CAMK2D: variants seen among roughly 807,000 people sequenced by gnomAD.
CAMK2D encodes the protein calcium/calmodulin dependent protein kinase II delta.
Under a neutral mutation model 84.0 loss-of-function variants are expected in CAMK2D, and 37 were observed. That is an observed-to-expected ratio of 0.44 (90% CI 0.34 to 0.58). The LOEUF is 0.58. Ranked by LOEUF, CAMK2D falls within the 20% of genes least tolerant of loss-of-function variation. CAMK2D has a pLI of 0.02. For synonymous variants in CAMK2D, 202 were observed against 212.5 expected (o/e 0.95, Z 0.43); for missense variants, 448 against 652.5 (o/e 0.69, Z 3.41).
intron 4 of CAMK2D, among the ~76,000 whole-genome samples, chr4:113,552,855 G>A (rs976967198): frequency 3.9e-5 from 6 of 152,038 alleles, no homozygotes; most frequent in Non-Finnish European, 5.9e-5. Context: ...CTTCCAAAAT[G>A]GTTGCACCCT....
chr4:113,548,714 C>A (rs938950737), intron 5 of CAMK2D: 3 of 1,578,452 alleles, frequency 1.9e-6, no homozygotes, highest in Non-Finnish European at 1.7e-6. Context: ...TTTCTAGAAT[C>A]TGCTGTATAC....
chr4:113,724,119 A>C (rs904555924), intron 2 of CAMK2D, among the ~76,000 whole-genome samples: 1 of 152,106 alleles, frequency 6.6e-6, no homozygotes, highest in African/African-American at 2.4e-5. Context: ...TGAACTGTTA[A>C]TATTTTGGAA....
intron 2 of CAMK2D, chr4:113,754,815 G>T (rs555245231): frequency 1.0e-6 from 1 of 983,526 alleles, no homozygotes; most frequent in Non-Finnish European, 1.2e-6. Context: ...GTAAGTAAAG[G>T]ATACAAAATA....
intron 4 of CAMK2D, among the ~76,000 whole-genome samples, chr4:113,596,151 T>C (rs2098925212): frequency 6.6e-6 from 1 of 152,240 alleles, no homozygotes; most frequent in Admixed American, 6.5e-5. Flanking sequence ...ACCACTTTAT[T>C]TGCTCATTCA....
intron 2 of CAMK2D, among the ~76,000 whole-genome samples, chr4:113,671,735 A>G (rs969578571): frequency 6.6e-6 from 1 of 152,250 alleles, no homozygotes; most frequent in Non-Finnish European, 1.5e-5. Context: ...CCCACCTCCC[A>G]GTCTGCCATG....
intron 3 of CAMK2D, among the ~76,000 whole-genome samples, chr4:113,631,342 G>A (rs1008873667): frequency 1.3e-5 from 2 of 152,132 alleles, no homozygotes; most frequent in South Asian, 2.1e-4. Context: ...GCAAAACCTC[G>A]TCTCCATTTT....
chr4:113,493,809 T>C (rs1188782480), intron 16 of CAMK2D, among the ~76,000 whole-genome samples: 1 of 151,592 alleles, frequency 6.6e-6, no homozygotes, highest in Non-Finnish European at 1.5e-5. Flanking sequence ...TCTTTTCACA[T>C]AGTCCCATAT....
At chr4:113,611,047 AACACACACACACACACAC>A (rs141563975) in intron 3 of CAMK2D, among the ~76,000 whole-genome samples, 1 of 148,628 alleles carries the variant, frequency 6.7e-6, no homozygotes, top group South Asian at 2.2e-4. Flanking sequence ...ATATACACAT[AACACACACACACACACAC>A]ACACACACAC....
intron 6 of CAMK2D, 56 bp downstream of exon 6, chr4:113,547,588 C>A: frequency 8.7e-7 from 1 of 1,150,172 alleles, no homozygotes. Flanking sequence ...ATAATTGCAG[C>A]TGAACAGTCA....
intron 17 of CAMK2D, among the ~76,000 whole-genome samples, chr4:113,461,871 A>G (rs2097378956): frequency 6.6e-6 from 1 of 152,198 alleles, no homozygotes; most frequent in African/African-American, 2.4e-5. Flanking sequence ...CTCAAAGTGC[A>G]GTACTGTTTA....
At chr4:113,551,372 A>G (rs913307566) in intron 5 of CAMK2D, among the ~76,000 whole-genome samples, 1 of 152,220 alleles carries the variant, frequency 6.6e-6, no homozygotes, top group Non-Finnish European at 1.5e-5. Context: ...AAATGCCTGA[A>G]TAAATATATT....
At chr4:113,703,749 T>C (rs2099429995) in intron 2 of CAMK2D, among the ~76,000 whole-genome samples, 1 of 152,154 alleles carries the variant, frequency 6.6e-6, no homozygotes. Context: ...ACCCTCTGAA[T>C]GAAGGAAATA....
chr4:113,513,155 G>T (rs1590475166), intron 12 of CAMK2D, 173 bp downstream of exon 12: 1 of 984,726 alleles, frequency 1.0e-6, no homozygotes, highest in Non-Finnish European at 1.2e-6. Context: ...CAGCACCCAG[G>T]TAGACTGCTA....
intron 2 of CAMK2D, among the ~76,000 whole-genome samples, chr4:113,680,963 A>G (rs973306823): frequency 3.3e-5 from 5 of 152,232 alleles, no homozygotes; most frequent in African/African-American, 1.2e-4. Context: ...CCCCTAAATT[A>G]GGAGTCAGAA....
chr4:113,580,924 G>T (rs924644844), intron 4 of CAMK2D, among the ~76,000 whole-genome samples: 2 of 115,172 alleles, frequency 1.7e-5, no homozygotes, highest in Admixed American at 1.2e-4. Flanking sequence ...GGGGTAGGGT[G>T]GGGGGAGGGA....
chr4:113,513,892 T>G lies in CAMK2D; in HGVS notation c.841A>C (p.Met281Leu). ...WICQRSTVAS[M>L]MHRQETVDCL... ...TCTACAGTCTCCTGTCTGTGCATCA[T>G]GGAAGCAACAGTAGAACGTTGCTAG... Residue 281 changes from methionine (M) to leucine (L), a missense_variant, in exon 11 of 21, where the codon ATG becomes CTG. By Grantham distance (15) the Met-to-Leu change is conservative. This residue lies in a region of CAMK2D where 69 missense variants were observed against 175.6 expected (regional missense o/e 0.39). Coordinates refer to ENST00000511664, the MANE Select transcript of CAMK2D (RefSeq NM_001321571.2). The G allele has an allele frequency of 3.8e-6, 6 of 1,582,812 alleles. No individual in the cohort carries two copies. The highest frequency in any genetic ancestry group is 5.2e-6 in the Non-Finnish European group (6 of 1,154,458).
chr4:113,708,703 A>G (rs2099472956), intron 2 of CAMK2D, among the ~76,000 whole-genome samples: 1 of 152,010 alleles, frequency 6.6e-6, no homozygotes. Context: ...CTTCCCTTCA[A>G]AATAAAAGGT....
chr4:113,749,295 A>G (rs2099611757), intron 2 of CAMK2D, among the ~76,000 whole-genome samples: 1 of 134,484 alleles, frequency 7.4e-6, no homozygotes, highest in Non-Finnish European at 1.6e-5. Context: ...CATATCACAC[A>G]AGAAATTTCC....
intron 4 of CAMK2D, among the ~76,000 whole-genome samples, chr4:113,600,230 T>C (rs2098945956): frequency 1.3e-5 from 2 of 152,184 alleles, no homozygotes; most frequent in South Asian, 4.1e-4. Flanking sequence ...TCACACATTT[T>C]TAAAAACCCA....
Sources: gnomAD v4.1 joint callset for allele counts (sites outside exome capture counted in the v4.1 genomes callset) on GRCh38, gnomAD v4.1.1 for gene constraint, gnomAD v4.1.1 regional missense constraint, MANE v1.5 for transcripts, NCBI Gene and HGNC (gene_info 2026-07-23, HGNC 2026-07-21) for gene names.